TM9SF2: variants seen among roughly 807,000 people sequenced by gnomAD.
TM9SF2 encodes 76 kDa membrane protein.
Under a neutral mutation model 84.9 loss-of-function variants are expected in TM9SF2, and 13 were observed. The ratio of observed to expected loss-of-function variants is 0.15; its 90% confidence interval spans 0.10 to 0.24. The LOEUF (loss-of-function observed/expected upper bound fraction) is 0.24, where lower values mean the gene tolerates loss of function less well. Ranked by LOEUF, TM9SF2 falls within the 10% of genes least tolerant of loss-of-function variation. TM9SF2 has a pLI of 1.00. For synonymous variants in TM9SF2, 273 were observed against 285.8 expected (o/e 0.96, Z 0.45); for missense variants, 562 against 818.5 (o/e 0.69, Z 3.82).
At position 99,550,873 on chromosome 13, in the gene TM9SF2, C is replaced by T. The variant is rs558569575; in HGVS notation, c.1329-1294C>T. On this transcript the variant is annotated intron_variant, in intron 12 of 16. Transcript: ENST00000376387. ...GATAATAAAACACTAGGGACATTCT[C>T]AGTAAATCTCTTTCATGGCTTGTTG... Among the ~76,000 whole-genome samples the T allele has an allele frequency of 1.2e-3, 182 of 152,246 alleles. 4 individuals are homozygous for T. In the South Asian group the frequency reaches 0.036, roughly 30 times the overall value.
intron 3 of TM9SF2, among the ~76,000 whole-genome samples, 154 bp downstream of exon 3, chr13:99,520,283 T>A (rs1216188724): frequency 1.3e-5 from 2 of 152,238 alleles, no homozygotes; most frequent in Non-Finnish European, 2.9e-5. Context: ...GTTAGAAGGA[T>A]CCTTCTCCTT....
intron 3 of TM9SF2, among the ~76,000 whole-genome samples, chr13:99,523,015 A>G (rs2046167040): frequency 6.6e-6 from 1 of 152,152 alleles, no homozygotes; most frequent in African/African-American, 2.4e-5. Flanking sequence ...CAGGATCCAT[A>G]TCTGTACTAA....
Position 99,527,943 on chromosome 13 carries a change from G to A in TM9SF2, c.334-1524G>A, listed in dbSNP as rs535435411. ...TCTCCTAACAAGATGGAGTTGACTC[G>A]TACCCAGGTCTGACTCTAGATTGAT... On this transcript the variant is annotated intron_variant, in intron 3 of 16. Coordinates refer to ENST00000376387, the MANE Select transcript of TM9SF2 (RefSeq NM_004800.3). 3.9e-5 allele frequency among the ~76,000 whole-genome samples: 6 copies of A among 152,222 alleles called. No homozygotes were observed. The East Asian group carries it at 1.2e-3, about 29-fold the overall frequency.
chr13:99,562,800 T>C lies in TM9SF2; in HGVS notation c.*42T>C. The stretch of plus-strand genomic sequence containing the variant: ...CAGTTAAAACAGAAATAAATTAAAC[T>C]CTTCATCAACAAAGACCTGTTTTTG... On this transcript the variant is annotated 3_prime_UTR_variant, in exon 17 of 17. Transcript: ENST00000376387. The C allele has an allele frequency of 6.3e-7, 1 of 1,588,620 alleles. No individual in the cohort carries two copies. The highest frequency in any genetic ancestry group is 8.6e-7 in the Non-Finnish European group (1 of 1,164,010).
At position 99,539,489 on chromosome 13, in the gene TM9SF2, C is replaced by T. The variant is rs2046249290; in HGVS notation, c.760C>T (p.Pro254Ser). ...AGATAAACCAGACTGCTCAGGGCCC[C>T]CCATGGACATAAGTAACAAGGCTTC... ...HIDKPDCSGP[P>S]MDISNKASGE... is the part of the protein sequence containing the mutation. Residue 254 changes from proline to serine, a missense_variant, in exon 7 of 17, where the codon CCC becomes TCC. Physicochemically the swap from Pro to Ser is moderately conservative, Grantham distance 74 (BLOSUM62 -1). Transcript: ENST00000376387. The T allele has an allele frequency of 6.2e-7, 1 of 1,613,768 alleles. No homozygotes were observed. The highest frequency in any genetic ancestry group is 8.5e-7 in the Non-Finnish European group (1 of 1,179,846).
At position 99,541,608 on chromosome 13, in the gene TM9SF2, A is replaced by C. The variant is rs1294844561; in HGVS notation, c.958A>C (p.Met320Leu). 6.2e-7 allele frequency: 1 copy of C among 1,613,498 alleles called. No homozygotes were observed. The highest frequency in any genetic ancestry group is 8.5e-7 in the Non-Finnish European group (1 of 1,179,656). Residue 320 changes from methionine to leucine, a missense_variant, in exon 9 of 17, where the codon ATG becomes CTG. By Grantham distance (15) the Met-to-Leu change is conservative. Transcript: ENST00000376387. ...TCTCTTCTTATCTGGAATGGTAGCT[A>C]TGATTATGTTACGGACACTGCACAA... ...IVLFLSGMVA[M>L]IMLRTLHKDI...
intron 13 of TM9SF2, among the ~76,000 whole-genome samples, chr13:99,553,922 G>A (rs2046315633): frequency 6.6e-6 from 1 of 152,162 alleles, no homozygotes; most frequent in South Asian, 2.1e-4. Flanking sequence ...AAAATACATG[G>A]ACCAAAATTC....
intron 16 of TM9SF2, among the ~76,000 whole-genome samples, chr13:99,561,613 T>C (rs185180280): frequency 1.8e-4 from 27 of 152,294 alleles, no homozygotes; most frequent in African/African-American, 6.3e-4. Flanking sequence ...ACATGTACAA[T>C]GTAAGGATGG....
intron 1 of TM9SF2, among the ~76,000 whole-genome samples, chr13:99,509,094 AG>A (rs1180272867): frequency 6.6e-6 from 1 of 152,144 alleles, no homozygotes; most frequent in Non-Finnish European, 1.5e-5. Flanking sequence ...AGCAAAAACA[AG>A]TTACTTACTT....
chr13:99,504,425 G>A (rs1177561653), intron 1 of TM9SF2, among the ~76,000 whole-genome samples: 1 of 152,152 alleles, frequency 6.6e-6, no homozygotes, highest in Non-Finnish European at 1.5e-5. Flanking sequence ...CCCTTGAAAG[G>A]TATTTTGCAT....
intron 11 of TM9SF2, among the ~76,000 whole-genome samples, chr13:99,547,773 C>T (rs1175459933): frequency 2.0e-5 from 3 of 152,152 alleles, no homozygotes; most frequent in African/African-American, 2.4e-5. Context: ...CTGGCCTCCT[C>T]GGGAATGCCA....
intron 14 of TM9SF2, among the ~76,000 whole-genome samples, chr13:99,554,872 A>G (rs886449796): frequency 5.3e-5 from 8 of 152,198 alleles, no homozygotes; most frequent in African/African-American, 1.7e-4. Context: ...TCCTCTGAGC[A>G]CTTGTCGGAG....
intron 3 of TM9SF2, among the ~76,000 whole-genome samples, chr13:99,528,437 A>G (rs1237482666): frequency 1.3e-5 from 2 of 152,226 alleles, no homozygotes; most frequent in African/African-American, 4.8e-5. Context: ...ACCTATTACT[A>G]CATTAATGTC....
intron 1 of TM9SF2, chr13:99,514,260 A>G (rs1273236732): frequency 6.6e-6 from 1 of 152,222 alleles, no homozygotes; most frequent in African/African-American, 2.4e-5. Context: ...AGGCCTTCAC[A>G]TTCATTCACC....
chr13:99,518,804 G>GCA (rs2139078330), intron 2 of TM9SF2, among the ~76,000 whole-genome samples: 1 of 148,030 alleles, frequency 6.8e-6, no homozygotes, highest in South Asian at 2.1e-4. Flanking sequence ...TGTGGTGATG[G>GCA]AGTACCACTC....
intron 1 of TM9SF2, among the ~76,000 whole-genome samples, chr13:99,508,232 C>T (rs1374272031): frequency 1.3e-5 from 2 of 152,054 alleles, no homozygotes; most frequent in Non-Finnish European, 2.9e-5. Flanking sequence ...TAGGTGGGGA[C>T]AGTTTGAAAG....
chr13:99,529,706 C>T, intron 4 of TM9SF2, 112 bp downstream of exon 4: 2 of 1,222,690 alleles, frequency 1.6e-6, no homozygotes, highest in South Asian at 2.2e-5. Flanking sequence ...TAATTGATTT[C>T]CTTTTTTTTG....
In TM9SF2 at chr13:99,541,735, A is replaced by G. The variant is rs192355771; in HGVS notation, c.1017+68A>G. ...TTTATTGTTATTTTGCAAAAAGGTA[A>G]AATAATAGCTTTAGAATCTGCTTTT... On this transcript the variant is annotated intron_variant, in intron 9 of 16. Coordinates refer to ENST00000376387, the MANE Select transcript of TM9SF2 (RefSeq NM_004800.3). 1.7e-4 allele frequency: 173 copies of G among 1,002,714 alleles called. 1 individual carries two copies. In the African/African-American group the frequency reaches 2.7e-3, roughly 16 times the overall value. 62.1% of individuals were successfully genotyped at this position (1,002,714 alleles called of 1,614,324 possible).
chr13:99,515,886 A>G (rs2046132173), intron 1 of TM9SF2, among the ~76,000 whole-genome samples: 1 of 151,912 alleles, frequency 6.6e-6, no homozygotes, highest in South Asian at 2.1e-4. Flanking sequence ...GTATGTGCCA[A>G]TACACCCGGC....
Sources: gnomAD v4.1 joint callset for allele counts (sites outside exome capture counted in the v4.1 genomes callset) on GRCh38, gnomAD v4.1.1 for gene constraint, MANE v1.5 for transcripts, NCBI Gene and HGNC (gene_info 2026-07-23, HGNC 2026-07-21) for gene names.